Variants in SH3RF1 observed in about 807,000 individuals in gnomAD.
SH3RF1 encodes E3 ubiquitin-protein ligase SH3RF1.
A neutral mutation model predicts 74.0 loss-of-function variants in SH3RF1; 32 were observed. The ratio of observed to expected loss-of-function variants is 0.43; its 90% CI spans 0.33 to 0.58. The LOEUF is 0.58. Among genes scored for constraint, SH3RF1 ranks in the 20% least tolerant of loss-of-function variants. The pLI is 0.05. For synonymous variants in SH3RF1, 396 were observed against 439.6 expected, an observed-to-expected ratio of 0.90 and a Z score of 1.24; for missense variants, 954 against 1,130.9, an observed-to-expected ratio of 0.84 and a Z score of 2.24.
chr4:169,153,855 C>G (rs1407086526), intron 4 of SH3RF1, among the ~76,000 whole-genome samples: 1 of 152,184 alleles, frequency 6.6e-6, no homozygotes, highest in African/African-American at 2.4e-5. Context: ...ATCTTTCCAA[C>G]TTAAGTCAGA....
chr4:169,156,748 G>A, intron 2 of SH3RF1, 69 bp from the exon 3 acceptor site: 1 of 1,414,532 alleles, frequency 7.1e-7, no homozygotes. Flanking sequence ...AAATACAACT[G>A]CGTTGTCATT....
intron 5 of SH3RF1, among the ~76,000 whole-genome samples, chr4:169,133,096 C>T (rs1272916626): frequency 6.6e-6 from 1 of 152,116 alleles, no homozygotes; most frequent in Non-Finnish European, 1.5e-5. Flanking sequence ...CTCTAATTGC[C>T]ATATAGAAAC....
chr4:169,238,545 G>A (rs886088643), intron 2 of SH3RF1, among the ~76,000 whole-genome samples: 1 of 152,192 alleles, frequency 6.6e-6, no homozygotes, highest in African/African-American at 2.4e-5. Flanking sequence ...ATGAATTGTT[G>A]TCTATCAGGC....
At chr4:169,151,664 G>C (rs1425168670) in intron 4 of SH3RF1, among the ~76,000 whole-genome samples, 2 of 152,178 alleles carry the variant, frequency 1.3e-5, no homozygotes, top group African/African-American at 4.8e-5. Context: ...TACTGAGTAA[G>C]AATAGTTGTC....
rs768000350 is a variant in SH3RF1, at chr4:169,108,147, G to A, written c.2140-942C>T. Among the ~76,000 whole-genome samples, 9 of 152,226 alleles carry A rather than the reference G, an allele frequency of 5.9e-5. No individual in the cohort carries two copies. In the Middle Eastern group the frequency reaches 0.031, roughly 518 times the overall value. ...AAGCTTAACATGATCCTTTTAAATT[G>A]TTTTACCAAGATGTCAACTACATCA... is the stretch of plus-strand genomic sequence containing the variant. On this transcript the variant is annotated intron_variant, in intron 10 of 11. Transcript: ENST00000284637.
intron 2 of SH3RF1, among the ~76,000 whole-genome samples, chr4:169,268,372 A>C (rs2110766652): frequency 6.6e-6 from 1 of 152,342 alleles, no homozygotes; most frequent in East Asian, 1.9e-4. Flanking sequence ...AATGATTCTA[A>C]GCAACATAAA....
intron 2 of SH3RF1, among the ~76,000 whole-genome samples, chr4:169,207,936 G>C (rs1241675006): frequency 6.6e-6 from 1 of 152,082 alleles, no homozygotes; most frequent in Non-Finnish European, 1.5e-5. Context: ...GTGTCAGTAG[G>C]GGTGGGGGGA....
intron 10 of SH3RF1, among the ~76,000 whole-genome samples, chr4:169,110,078 A>T (rs1317805892): frequency 1.4e-5 from 2 of 147,628 alleles, no homozygotes; most frequent in Non-Finnish European, 3.0e-5. Flanking sequence ...TTGAACAAAG[A>T]AAATGAACGT....
intron 2 of SH3RF1, among the ~76,000 whole-genome samples, chr4:169,260,439 A>G (rs1731259259): frequency 6.6e-6 from 1 of 152,188 alleles, no homozygotes; most frequent in Non-Finnish European, 1.5e-5. Context: ...AGGGCAGTGC[A>G]AGGTGCTGCA....
intron 2 of SH3RF1, among the ~76,000 whole-genome samples, chr4:169,208,751 C>A (rs900429668): frequency 6.6e-6 from 1 of 152,060 alleles, no homozygotes; most frequent in Non-Finnish European, 1.5e-5. Flanking sequence ...CTCTCTGCCT[C>A]CTTCATTCAG....
chr4:169,269,485 A>C (rs1394609602), intron 1 of SH3RF1, among the ~76,000 whole-genome samples, 178 bp from the exon 2 acceptor site: 1 of 152,224 alleles, frequency 6.6e-6, no homozygotes, highest in Non-Finnish European at 1.5e-5. Flanking sequence ...AAAACAAAAC[A>C]GGCTTTCTAA....
chr4:169,168,485 C>A (rs983479650), intron 2 of SH3RF1, among the ~76,000 whole-genome samples: 2 of 152,142 alleles, frequency 1.3e-5, no homozygotes, highest in Non-Finnish European at 2.9e-5. Flanking sequence ...GCTGTAGAAA[C>A]TGAGATGTAT....
At chr4:169,208,149 G>A (rs1579138542) in intron 2 of SH3RF1, among the ~76,000 whole-genome samples, 1 of 146,480 alleles carries the variant, frequency 6.8e-6, no homozygotes, top group African/African-American at 2.5e-5. Flanking sequence ...AAGTCCTCAA[G>A]TTTTTTTTTT....
intron 2 of SH3RF1, among the ~76,000 whole-genome samples, chr4:169,190,569 A>C (rs55657596): frequency 0.11 from 17,127 of 151,812 alleles, 991 homozygotes; most frequent in Middle Eastern, 0.16. Context: ...AGAGACTGAA[A>C]TGGTCATTTT....
At chr4:169,252,760 A>C (rs1040525824) in intron 2 of SH3RF1, among the ~76,000 whole-genome samples, 4 of 152,356 alleles carry the variant, frequency 2.6e-5, no homozygotes, top group East Asian at 1.9e-4. Flanking sequence ...ATTCATAAGC[A>C]AAACACAGGC....
intron 2 of SH3RF1, among the ~76,000 whole-genome samples, chr4:169,211,603 C>T (rs895298475): frequency 3.3e-5 from 5 of 151,862 alleles, no homozygotes; most frequent in Admixed American, 1.3e-4. Flanking sequence ...GAATAAGGGA[C>T]GAGTCTAAAC....
chr4:169,244,719 C>A (rs755632599), intron 2 of SH3RF1, among the ~76,000 whole-genome samples: 1 of 152,058 alleles, frequency 6.6e-6, no homozygotes, highest in Non-Finnish European at 1.5e-5. Flanking sequence ...TTTTAAATTG[C>A]GCATGTGTTA....
chr4:169,213,698 A>G (rs879691934), intron 2 of SH3RF1, among the ~76,000 whole-genome samples: 2 of 152,232 alleles, frequency 1.3e-5, no homozygotes, highest in African/African-American at 4.8e-5. Flanking sequence ...TGTGAAGAGT[A>G]TAACGTCTGT....
Position 169,125,953 on chromosome 4 carries a change from C to T in SH3RF1, c.1180-3687G>A, listed in dbSNP as rs534161458. Among the ~76,000 whole-genome samples, 8 of 152,284 alleles carry T rather than the reference C, an allele frequency of 5.3e-5. No homozygotes were observed. The East Asian group carries it at 1.2e-3, about 22-fold the overall frequency. On this transcript the variant is annotated intron_variant, in intron 6 of 11. Transcript: ENST00000284637. ...AATTTTTTGTTCCACATTTGATCTA[C>T]AAGAAACAAGAGAGATATGTATATC...
Sources: allele counts gnomAD v4.1 joint callset (sites outside exome capture counted in the v4.1 genomes callset), GRCh38; gene constraint gnomAD v4.1.1; transcripts MANE v1.5; gene names NCBI Gene and HGNC (gene_info 2026-07-23, HGNC 2026-07-21).